DUSP3: variants seen among roughly 807,000 people sequenced by gnomAD.
DUSP3 encodes dual specificity protein phosphatase 3.
In DUSP3, 7 loss-of-function variants were observed where a neutral mutation model predicts 15.5. The observed-to-expected ratio is 0.45, with a 90% CI of 0.26 to 0.85. The LOEUF is 0.85. DUSP3 is among the 40% of genes least tolerant of loss of function. The probability of loss-of-function intolerance (pLI) is 0.18; values close to 1 mark genes in which losing one functional copy is unlikely to be tolerated. For missense variants in DUSP3, 209 were observed against 251.7 expected (o/e 0.83, Z 1.15); for synonymous variants, 86 against 104.2 (o/e 0.83, Z 1.07).
rs1358094457 is a variant in DUSP3 at position 43,767,603 on chromosome 17, A to G, written c.*2006T>C. ...GTTCCTTTTTTTTAAAAAAGGTCAC[A>G]ATACAAGAACAAGCTCTACTAACTT... On this transcript the variant is annotated 3_prime_UTR_variant, in exon 3 of 3. Coordinates refer to ENST00000226004, the MANE Select transcript of DUSP3 (RefSeq NM_004090.4). 6.6e-6 allele frequency: 1 copy of G among 152,344 alleles called. No individual in the cohort carries two copies. The highest frequency in any genetic ancestry group is 6.5e-5 in the Admixed American group (1 of 15,286). 9.4% of individuals were successfully genotyped at this position (152,344 alleles called of 1,614,324 possible).
At chr17:43,776,354 C>T (rs963143114) in intron 1 of DUSP3, among the ~76,000 whole-genome samples, 2 of 152,240 alleles carry the variant, frequency 1.3e-5, no homozygotes, top group Admixed American at 1.3e-4. Flanking sequence ...GGGATGGGCA[C>T]AGGCCCCGTG....
At chr17:43,778,740 C>A in intron 1 of DUSP3, 60 bp downstream of exon 1, 2 of 1,438,300 alleles carry the variant, frequency 1.4e-6, no homozygotes, top group Non-Finnish European at 1.8e-6. Flanking sequence ...CGACCCCAGC[C>A]TCGGGTGGGC....
At position 43,778,937 on chromosome 17, in the gene DUSP3, G is replaced by C; in HGVS notation, c.-13C>G. 1.4e-6 allele frequency: 2 copies of C among 1,434,966 alleles called. No individual in the cohort carries two copies. The highest frequency in any genetic ancestry group is 1.8e-6 in the Non-Finnish European group (2 of 1,088,824). The allele number at this position is 1,434,966 out of a possible 1,614,324, so 88.9% of individuals were successfully genotyped here. A position where few individuals can be genotyped will look rare whatever the true frequency, so the allele number is the denominator to read the frequency against. ...ACGAGCCCGACATGGCGGCGGCGGGGCCCTGCACGCCCGGCAGGAGCAAGC... is the reference window on the plus strand; with the variant it reads ...ACGAGCCCGACATGGCGGCGGCGGGCCCCTGCACGCCCGGCAGGAGCAAGC... On this transcript the variant is annotated 5_prime_UTR_variant, in exon 1 of 3. Coordinates refer to ENST00000226004, the MANE Select transcript of DUSP3 (RefSeq NM_004090.4).
At chr17:43,777,154 G>GT (rs1435631341) in intron 1 of DUSP3, among the ~76,000 whole-genome samples, 2 of 152,086 alleles carry the variant, frequency 1.3e-5, no homozygotes, top group African/African-American at 4.8e-5. Flanking sequence ...TGTATTTTTA[G>GT]TAGAGACAGG....
rs1269406225 is a variant in DUSP3 at position 43,766,139 on chromosome 17, C to T, written c.*3470G>A. On this transcript the variant is annotated 3_prime_UTR_variant, in exon 3 of 3. Transcript: ENST00000226004. ...AAAACAATACCTTTGTAATGTAAGA[C>T]ATTTATTTTGGCTAAAGTTCTGGTG... 3 of 152,562 alleles carry T rather than the reference C, an allele frequency of 2.0e-5. No homozygotes were observed. Among genetic ancestry groups the T allele is most frequent in the Non-Finnish European group, 4.4e-5 (3 of 68,028 alleles). The allele number at this position is 152,562 out of a possible 1,614,324, so 9.5% of individuals were successfully genotyped here.
intron 2 of DUSP3, among the ~76,000 whole-genome samples, chr17:43,773,194 T>C (rs778116905): frequency 2.6e-4 from 39 of 152,106 alleles, no homozygotes; most frequent in Non-Finnish European, 5.0e-4. Flanking sequence ...GTCTAGAAAA[T>C]TCTGTTTACT....
rs934474290 is a variant in DUSP3, at chr17:43,766,773, A to G, written c.*2836T>C. ...TTCTGGATAACTCAGAGTGGCAGGG[A>G]CACAGACGAGCCTGTGGAAAGGTAT... On this transcript the variant is annotated 3_prime_UTR_variant, in exon 3 of 3. Coordinates refer to ENST00000226004, the MANE Select transcript of DUSP3 (RefSeq NM_004090.4). 9 of 152,228 alleles carry G rather than the reference A, an allele frequency of 5.9e-5. No individual in the cohort carries two copies. Among genetic ancestry groups the G allele is most frequent in the African/African-American group, 2.2e-4 (9 of 41,520 alleles). 9.4% of individuals were successfully genotyped at this position (152,228 alleles called of 1,614,324 possible).
intron 2 of DUSP3, among the ~76,000 whole-genome samples, chr17:43,772,935 CAA>C (rs1974336709): frequency 6.6e-6 from 1 of 152,190 alleles, no homozygotes; most frequent in Non-Finnish European, 1.5e-5. Flanking sequence ...AAAGAGGAAA[CAA>C]AGTCAGAGAG....
rs990302637 is a variant in DUSP3, at chr17:43,766,631, A to C, written c.*2978T>G. ...TGCTGCCCATCATATTATGGCTCAC[A>C]TACCCATAATTTCCTTGCGGTGCTG... On this transcript the variant is annotated 3_prime_UTR_variant, in exon 3 of 3. Transcript: ENST00000226004. 6.6e-6 allele frequency: 1 copy of C among 152,500 alleles called. No individual in the cohort carries two copies. Among genetic ancestry groups the C allele is most frequent in the South Asian group, 2.1e-4 (1 of 4,828 alleles). 9.4% of individuals were successfully genotyped at this position (152,500 alleles called of 1,614,324 possible). A position where few individuals can be genotyped will look rare whatever the true frequency, so the allele number is the denominator to read the frequency against.
intron 1 of DUSP3, among the ~76,000 whole-genome samples, chr17:43,777,122 G>C (rs1974398811): frequency 6.6e-6 from 1 of 152,012 alleles, no homozygotes; most frequent in Non-Finnish European, 1.5e-5. Flanking sequence ...ACAGGCGCCA[G>C]GCACCATGCC....
chr17:43,774,195 G>A (rs568141285), intron 2 of DUSP3: 2 of 274,010 alleles, frequency 7.3e-6, no homozygotes, highest in East Asian at 1.4e-4. Context: ...CTCATCTGCT[G>A]TACTTTGTCC....
At chr17:43,777,425 C>A in intron 1 of DUSP3, 1 of 446,406 alleles carries the variant, frequency 2.2e-6, no homozygotes, top group South Asian at 1.6e-5. Flanking sequence ...CCCCATGAGG[C>A]TGGGGCCTGA....
intron 2 of DUSP3, among the ~76,000 whole-genome samples, chr17:43,771,741 G>A (rs1201371386): frequency 6.6e-6 from 1 of 152,116 alleles, no homozygotes; most frequent in Non-Finnish European, 1.5e-5. Flanking sequence ...GGACACGGTG[G>A]CTCACACCTA....
In DUSP3 at chr17:43,778,953, A is replaced by C; in HGVS notation, c.-29T>G. On this transcript the variant is annotated 5_prime_UTR_variant, in exon 1 of 3. Coordinates refer to ENST00000226004, the MANE Select transcript of DUSP3 (RefSeq NM_004090.4). ...GGCGGCGGGGCCCTGCACGCCCGGC[A>C]GGAGCAAGCGAGGCGGAGAGCGGCG... 1 of 1,393,202 alleles carries C rather than the reference A, an allele frequency of 7.2e-7. No individual in the cohort carries two copies. 86.3% of individuals were successfully genotyped at this position (1,393,202 alleles called of 1,614,324 possible).
rs1326016875 is a variant in DUSP3 at position 43,766,894 on chromosome 17, G to GT, written c.*2714dup. ...GAAAGGGAACAGGTCTGGGGAGGGGGTAAGGGCACCCTGAGTTCCTGTTCC... is the reference window on the plus strand; with the variant it reads ...GAAAGGGAACAGGTCTGGGGAGGGGGTTAAGGGCACCCTGAGTTCCTGTTCC... On this transcript the variant is annotated 3_prime_UTR_variant, in exon 3 of 3. Coordinates refer to ENST00000226004, the MANE Select transcript of DUSP3 (RefSeq NM_004090.4). The GT allele has an allele frequency of 1.3e-5, 2 of 152,186 alleles. No individual in the cohort carries two copies. Among genetic ancestry groups the GT allele is most frequent in the Middle Eastern group, 3.2e-3 (1 of 316 alleles). 9.4% of individuals were successfully genotyped at this position (152,186 alleles called of 1,614,324 possible). A position where few individuals can be genotyped will look rare whatever the true frequency, so the allele number is the denominator to read the frequency against.
chr17:43,771,381 A>G (rs1334397654), intron 2 of DUSP3, among the ~76,000 whole-genome samples: 1 of 152,160 alleles, frequency 6.6e-6, no homozygotes, highest in Non-Finnish European at 1.5e-5. Flanking sequence ...ACCCACGGAT[A>G]TGGAGGACCG....
At chr17:43,777,539 C>T in intron 1 of DUSP3, 1 of 456,006 alleles carries the variant, frequency 2.2e-6, no homozygotes, top group South Asian at 1.5e-5. Flanking sequence ...ATGAACAAGA[C>T]ATTGACCCTG....
Position 43,769,804 on chromosome 17 carries a change from G to A in DUSP3, c.363C>T (p.Leu121=), listed in dbSNP as rs1159173078. 42 of 1,614,066 alleles carry A rather than the reference G, an allele frequency of 2.6e-5. No individual in the cohort carries two copies. Among genetic ancestry groups the A allele is most frequent in the Non-Finnish European group, 2.5e-5 (29 of 1,179,994 alleles). ...GGCTATAACCTTCCCGGCAGTGGAC[G>A]AGCACCCGGCCTGTAAGAAACAGGG... ...QALAQKNGRV[L]VHCREGYSRS... is the part of the protein sequence containing the mutation. The change falls in exon 3 of 3, where the codon CTC becomes CTT. Residue 121 remains leucine (L), a synonymous_variant. Transcript: ENST00000226004.
intron 1 of DUSP3, chr17:43,777,501 G>A (rs1974403960): frequency 2.2e-6 from 1 of 455,862 alleles, no homozygotes; most frequent in Non-Finnish European, 4.4e-6. Flanking sequence ...TAAACAGCAG[G>A]TCATAGCGGA....
Sources: allele counts gnomAD v4.1 joint callset (sites outside exome capture counted in the v4.1 genomes callset), GRCh38; gene constraint gnomAD v4.1.1; transcripts MANE v1.5; gene names NCBI Gene and HGNC (gene_info 2026-07-23, HGNC 2026-07-21).